SMIM33: variants seen among roughly 807,000 people sequenced by gnomAD.
SMIM33 encodes small integral membrane protein 33.
chr5:139,472,969 C>T lies in SMIM33; in HGVS notation c.*48C>T, dbSNP rs1370762519. 2 of 399,538 alleles carry T rather than the reference C, an allele frequency of 5.0e-6. No individual in the cohort carries two copies. Among genetic ancestry groups the T allele is most frequent in the Non-Finnish European group, 8.8e-6 (2 of 226,216 alleles). 24.7% of individuals were successfully genotyped at this position (399,538 alleles called of 1,614,324 possible). ...CCTGACCTAGCTCAGAACAAGAAAC[C>T]GGGCAGAGAACTAGGGCAAAAGCAA... On this transcript the variant is annotated 3_prime_UTR_variant, in exon 2 of 2. Coordinates refer to ENST00000637503, the MANE Select transcript of SMIM33 (RefSeq NM_001365197.1).
At position 139,472,561 on chromosome 5, in the gene SMIM33, T is replaced by A. The variant is rs1751553227; in HGVS notation, c.39T>A (p.Ala13=). 1 of 400,854 alleles carries A rather than the reference T, an allele frequency of 2.5e-6. No homozygotes were observed. 24.8% of individuals were successfully genotyped at this position (400,854 alleles called of 1,614,324 possible). The change falls in exon 2 of 2, where the codon GCT becomes GCA. Residue 13 remains alanine (A), a synonymous_variant. Coordinates refer to ENST00000637503, the MANE Select transcript of SMIM33 (RefSeq NM_001365197.1). ...QAGHYSWPSP[A]VNSSSEQEPQ... ...GCCACTACTCCTGGCCTTCTCCAGC[T>A]GTGAACAGTTCATCAGAGCAGGAGC...
In SMIM33 at chr5:139,472,947, G is replaced by T; in HGVS notation, c.*26G>T. ...GAGGGAGACTTTGGAGAGTTAGCCT[G>T]ACCTAGCTCAGAACAAGAAACCGGG... On this transcript the variant is annotated 3_prime_UTR_variant, in exon 2 of 2. Transcript: ENST00000637503. 2.5e-6 allele frequency: 1 copy of T among 400,386 alleles called. No homozygotes were observed. The highest frequency in any genetic ancestry group is 4.4e-6 in the Non-Finnish European group (1 of 226,260). 24.8% of individuals were successfully genotyped at this position (400,386 alleles called of 1,614,324 possible).
chr5:139,473,323 C>A lies in SMIM33; in HGVS notation c.*402C>A, dbSNP rs1212514003. 6.4e-6 allele frequency: 1 copy of A among 156,012 alleles called. No homozygotes were observed. Among genetic ancestry groups the A allele is most frequent in the Non-Finnish European group, 1.4e-5 (1 of 70,796 alleles). 9.7% of individuals were successfully genotyped at this position (156,012 alleles called of 1,614,324 possible). On this transcript the variant is annotated 3_prime_UTR_variant, in exon 2 of 2. Coordinates refer to ENST00000637503, the MANE Select transcript of SMIM33 (RefSeq NM_001365197.1). The stretch of plus-strand genomic sequence containing the variant: ...GCCCCGTGGAGAGGCCCTCATCCTA[C>A]AAAGGCCAGCCAGGGAGAGCCCAGG...
In SMIM33 at chr5:139,472,746, C is replaced by G; in HGVS notation, c.224C>G (p.Thr75Ser). Residue 75 changes from threonine (T) to serine (S), a missense_variant, in exon 2 of 2, where the codon ACT (threonine) becomes AGT (serine). Coordinates refer to ENST00000637503, the MANE Select transcript of SMIM33 (RefSeq NM_001365197.1). ...FGPRLHQGHA[T>S]LPTEPPTPKP... Reference sequence around the variant, plus strand: ...CCAAGGCTGCACCAGGGCCATGCCACTCTCCCTACAGAGCCACCGACCCCA... The same window carrying G: ...CCAAGGCTGCACCAGGGCCATGCCAGTCTCCCTACAGAGCCACCGACCCCA... The G allele has an allele frequency of 2.5e-6, 1 of 400,910 alleles. No homozygotes were observed. Among genetic ancestry groups the G allele is most frequent in the African/African-American group, 2.0e-5 (1 of 48,826 alleles). 24.8% of individuals were successfully genotyped at this position (400,910 alleles called of 1,614,324 possible).
rs1005103487 is a variant in SMIM33 at position 139,472,864 on chromosome 5, C to T, written c.342C>T (p.Gly114=). The change falls in exon 2 of 2, where the codon GGC becomes GGT. Residue 114 remains glycine, a synonymous_variant. Coordinates refer to ENST00000637503, the MANE Select transcript of SMIM33 (RefSeq NM_001365197.1). ...EEAPPGPLVP[G]SCPAPDGPRP... is the part of the protein sequence containing the mutation. ...CACCACCGGGCCCTCTTGTCCCTGG[C>T]TCCTGCCCTGCGCCAGATGGACCCA... 4 of 400,836 alleles carry T rather than the reference C, an allele frequency of 1.0e-5. No individual in the cohort carries two copies. The highest frequency in any genetic ancestry group is 1.8e-5 in the Non-Finnish European group (4 of 226,364). 24.8% of individuals were successfully genotyped at this position (400,836 alleles called of 1,614,324 possible). A position where few individuals can be genotyped will look rare whatever the true frequency, so the allele number is the denominator to read the frequency against.
rs963065345 is a variant in SMIM33 at position 139,473,138 on chromosome 5, C to T, written c.*217C>T. 1 of 383,330 alleles carries T rather than the reference C, an allele frequency of 2.6e-6. No homozygotes were observed. Among genetic ancestry groups the T allele is most frequent in the Non-Finnish European group, 4.6e-6 (1 of 217,020 alleles). The allele number at this position is 383,330 out of a possible 1,614,324, so 23.7% of individuals were successfully genotyped here. On this transcript the variant is annotated 3_prime_UTR_variant, in exon 2 of 2. Transcript: ENST00000637503. The stretch of plus-strand genomic sequence containing the variant: ...CTGCCCAGAAACATGCTGCGGGGGG[C>T]CTTCCCAGGGCCCAAGGCCACCTCA...
At chr5:139,472,458 G>A (rs1751551262) in intron 1 of SMIM33, 74 bp from the exon 2 acceptor site, 3 of 380,720 alleles carry the variant, frequency 7.9e-6, no homozygotes, top group Non-Finnish European at 1.4e-5. Context: ...TTGGGTGTTT[G>A]TCTCTTTCTA....
At chr5:139,472,125 A>G (rs1259890968) in intron 1 of SMIM33, among the ~76,000 whole-genome samples, 1 of 152,186 alleles carries the variant, frequency 6.6e-6, no homozygotes, top group African/African-American at 2.4e-5. Context: ...GCCAAACTGT[A>G]TACGCTGGAC....
Position 139,472,881 on chromosome 5 carries a change from A to T in SMIM33, c.359A>T (p.Asp120Val). 1 of 400,874 alleles carries T rather than the reference A, an allele frequency of 2.5e-6. No individual in the cohort carries two copies. 24.8% of individuals were successfully genotyped at this position (400,874 alleles called of 1,614,324 possible). ...PLVPGSCPAPDGPRPSIDEVT... is the reference protein window; with the variant it reads ...PLVPGSCPAPVGPRPSIDEVT... ...GTCCCTGGCTCCTGCCCTGCGCCAG[A>T]TGGACCCAGGCCCAGCATCGATGAA... The change falls in exon 2 of 2, where the codon GAT (aspartate) becomes GTT (valine). Residue 120 changes from aspartate to valine, a missense_variant. Asp to Val is a radical substitution (Grantham distance 152). Transcript: ENST00000637503.
In SMIM33 at chr5:139,473,087, G is replaced by A; in HGVS notation, c.*166G>A. 2.5e-6 allele frequency: 1 copy of A among 395,796 alleles called. No homozygotes were observed. The highest frequency in any genetic ancestry group is 4.4e-6 in the Non-Finnish European group (1 of 224,876). 24.5% of individuals were successfully genotyped at this position (395,796 alleles called of 1,614,324 possible). A position where few individuals can be genotyped will look rare whatever the true frequency, so the allele number is the denominator to read the frequency against. ...ATTTATAGAGAGAGCCCTGTGGTGG[G>A]CAAGAGAAATCAAAACTTGAGGGCC... is the stretch of plus-strand genomic sequence containing the variant. On this transcript the variant is annotated 3_prime_UTR_variant, in exon 2 of 2. Transcript: ENST00000637503.
In SMIM33 at chr5:139,473,098, CA is replaced by C; in HGVS notation, c.*181del. On this transcript the variant is annotated 3_prime_UTR_variant, in exon 2 of 2. Coordinates refer to ENST00000637503, the MANE Select transcript of SMIM33 (RefSeq NM_001365197.1). Reference sequence around the variant, plus strand: ...GAGCCCTGTGGTGGGCAAGAGAAATCAAAACTTGAGGGCCCTGCCCAGAAAC... The same window carrying C: ...GAGCCCTGTGGTGGGCAAGAGAAATCAAACTTGAGGGCCCTGCCCAGAAAC... 1 of 395,096 alleles carries C rather than the reference CA, an allele frequency of 2.5e-6. No individual in the cohort carries two copies. The highest frequency in any genetic ancestry group is 4.4e-5 in the Admixed American group (1 of 22,640). The allele number at this position is 395,096 out of a possible 1,614,324, so 24.5% of individuals were successfully genotyped here.
chr5:139,471,320 G>GACA lies in SMIM33; in HGVS notation c.9+191_9+192insCAA, dbSNP rs1751532235. Among the ~76,000 whole-genome samples, 14 of 152,012 alleles carry GACA rather than the reference G, an allele frequency of 9.2e-5. No homozygotes were observed. The South Asian group carries it at 2.9e-3, about 32-fold the overall frequency. On this transcript the variant is annotated intron_variant, in intron 1 of 1. Transcript: ENST00000637503. Reference sequence around the variant, plus strand: ...TAGGGTGGGGGGTGTGCCTTTCCACGAAGGGATGCATGTGGGAGATGGGAT... The same window carrying GACA: ...TAGGGTGGGGGGTGTGCCTTTCCACGACAAAGGGATGCATGTGGGAGATGGGAT...
In SMIM33 at chr5:139,473,155, G is replaced by A. The variant is rs185661385; in HGVS notation, c.*234G>A. 6 of 375,406 alleles carry A rather than the reference G, an allele frequency of 1.6e-5. No homozygotes were observed. Among genetic ancestry groups the A allele is most frequent in the South Asian group, 1.5e-4 (1 of 6,814 alleles). 23.3% of individuals were successfully genotyped at this position (375,406 alleles called of 1,614,324 possible). The stretch of plus-strand genomic sequence containing the variant: ...GCGGGGGGCCTTCCCAGGGCCCAAG[G>A]CCACCTCACAAAGTCCCTCCCTCCT... On this transcript the variant is annotated 3_prime_UTR_variant, in exon 2 of 2. Coordinates refer to ENST00000637503, the MANE Select transcript of SMIM33 (RefSeq NM_001365197.1).
rs112836315 is a variant in SMIM33, at chr5:139,472,000, G to T, written c.10-532G>T. Among the ~76,000 whole-genome samples the T allele has an allele frequency of 1.1e-4, 17 of 152,302 alleles. 1 individual carries two copies. The highest frequency in any genetic ancestry group is 3.9e-4 in the African/African-American group (16 of 41,556). ...GCAGGTGCTCTCTGCCCACTGCCTA[G>T]GATGTGGGGACAGCAGCCCATAGCG... On this transcript the variant is annotated intron_variant, in intron 1 of 1. Transcript: ENST00000637503.
Position 139,472,950 on chromosome 5 carries a change from C to G in SMIM33, c.*29C>G. 2.5e-6 allele frequency: 1 copy of G among 400,312 alleles called. No homozygotes were observed. Among genetic ancestry groups the G allele is most frequent in the Non-Finnish European group, 4.4e-6 (1 of 226,252 alleles). The allele number at this position is 400,312 out of a possible 1,614,324, so 24.8% of individuals were successfully genotyped here. On this transcript the variant is annotated 3_prime_UTR_variant, in exon 2 of 2. Coordinates refer to ENST00000637503, the MANE Select transcript of SMIM33 (RefSeq NM_001365197.1). ...GGAGACTTTGGAGAGTTAGCCTGAC[C>G]TAGCTCAGAACAAGAAACCGGGCAG...
Position 139,472,780 on chromosome 5 carries a change from T to A in SMIM33, c.258T>A (p.Asp86Glu), listed in dbSNP as rs1462564720. The change falls in exon 2 of 2, where the codon GAT becomes GAA. Residue 86 changes from aspartate to glutamate, a missense_variant. Transcript: ENST00000637503. The part of the protein sequence containing the change: ...LPTEPPTPKP[D>E]GGIYLIHWRV... ...CAGAGCCACCGACCCCAAAGCCAGA[T>A]GGTGGCATCTACCTCATCCACTGGC... 7 of 400,822 alleles carry A rather than the reference T, an allele frequency of 1.7e-5. No individual in the cohort carries two copies. In the Middle Eastern group the frequency reaches 9.2e-4, roughly 53 times the overall value. The allele number at this position is 400,822 out of a possible 1,614,324, so 24.8% of individuals were successfully genotyped here.
chr5:139,472,708 A>T lies in SMIM33; in HGVS notation c.186A>T (p.Ala62=). The change falls in exon 2 of 2, where the codon GCA becomes GCT. Residue 62 remains alanine, a synonymous_variant. Coordinates refer to ENST00000637503, the MANE Select transcript of SMIM33 (RefSeq NM_001365197.1). ...TGCTGGCAGTCTGCATCATAGTGGC[A>T]GTCCATTTTGGGCCAAGGCTGCACC... ...FVLLAVCIIV[A]VHFGPRLHQG... 1 of 400,822 alleles carries T rather than the reference A, an allele frequency of 2.5e-6. No homozygotes were observed. The highest frequency in any genetic ancestry group is 3.6e-5 in the East Asian group (1 of 28,070). The allele number at this position is 400,822 out of a possible 1,614,324, so 24.8% of individuals were successfully genotyped here. A position where few individuals can be genotyped will look rare whatever the true frequency, so the allele number is the denominator to read the frequency against.
chr5:139,473,636 A>G lies in SMIM33; in HGVS notation c.*715A>G, dbSNP rs933064440. The G allele has an allele frequency of 5.9e-5, 9 of 152,216 alleles. No homozygotes were observed. The highest frequency in any genetic ancestry group is 1.0e-4 in the Non-Finnish European group (7 of 68,054). 9.4% of individuals were successfully genotyped at this position (152,216 alleles called of 1,614,324 possible). A position where few individuals can be genotyped will look rare whatever the true frequency, so the allele number is the denominator to read the frequency against. On this transcript the variant is annotated 3_prime_UTR_variant, in exon 2 of 2. Coordinates refer to ENST00000637503, the MANE Select transcript of SMIM33 (RefSeq NM_001365197.1). ...TGCCTGGGCCTGTTGGAACAAGCCT[A>G]GAATGTACCACAGGACATTTCCCAG...
intron 1 of SMIM33, 54 bp downstream of exon 1, chr5:139,471,184 C>T: frequency 2.5e-6 from 1 of 398,858 alleles, no homozygotes; most frequent in Non-Finnish European, 4.4e-6. Context: ...TGCAGGGTCC[C>T]CCTGTCTGTC....
Sources: gnomAD v4.1 joint callset for allele counts (sites outside exome capture counted in the v4.1 genomes callset) on GRCh38, gnomAD v4.1.1 for gene constraint, MANE v1.5 for transcripts, NCBI Gene and HGNC (gene_info 2026-07-23, HGNC 2026-07-21) for gene names.